MIPEP: variants seen among roughly 807,000 people sequenced by gnomAD.
MIPEP encodes the protein mitochondrial intermediate peptidase.
Under a neutral mutation model 90.3 loss-of-function variants are expected in MIPEP, and 79 were observed. That is an observed-to-expected ratio of 0.87 (90% CI 0.73 to 1.05). The LOEUF is 1.05. MIPEP is among the 50% of genes least tolerant of loss of function. The pLI, the probability that MIPEP is intolerant of heterozygous loss-of-function variation, is 0.00. For synonymous variants in MIPEP, 334 were observed against 315.8 expected, an observed-to-expected ratio of 1.06 and a Z score of -0.61; for missense variants, 940 against 905.6, an observed-to-expected ratio of 1.04 and a Z score of -0.49.
intron 1 of MIPEP, among the ~76,000 whole-genome samples, chr13:23,886,982 A>C (rs1273113887): frequency 1.3e-5 from 2 of 152,162 alleles, no homozygotes; most frequent in African/African-American, 4.8e-5. Flanking sequence ...ATGACGATAC[A>C]TACCTTACAG....
At chr13:23,765,281 C>T (rs955908455) in intron 16 of MIPEP, among the ~76,000 whole-genome samples, 3 of 152,192 alleles carry the variant, frequency 2.0e-5, no homozygotes, top group African/African-American at 7.2e-5. Flanking sequence ...GTAACAGCAG[C>T]TTTCCTATCC....
chr13:23,865,702 C>A (rs1225702149), intron 7 of MIPEP, among the ~76,000 whole-genome samples: 1 of 145,162 alleles, frequency 6.9e-6, no homozygotes, highest in Admixed American at 7.0e-5. Flanking sequence ...TGGAGTCTTG[C>A]TCTGTTGCCC....
intron 16 of MIPEP, among the ~76,000 whole-genome samples, chr13:23,773,870 G>C (rs1160743567): frequency 6.6e-6 from 1 of 151,996 alleles, no homozygotes; most frequent in African/African-American, 2.4e-5. Flanking sequence ...TCACTTTCAT[G>C]GTAGTGTTCT....
At chr13:23,879,707 A>G (rs1593208120) in intron 3 of MIPEP, among the ~76,000 whole-genome samples, 1 of 152,172 alleles carries the variant, frequency 6.6e-6, no homozygotes, top group East Asian at 1.9e-4. Flanking sequence ...TAATTTTTAA[A>G]TTTAAAAACA....
At chr13:23,862,817 T>A (rs889543927) in intron 8 of MIPEP, among the ~76,000 whole-genome samples, 2 of 152,210 alleles carry the variant, frequency 1.3e-5, no homozygotes, top group African/African-American at 4.8e-5. Flanking sequence ...ATTTAATATT[T>A]GTAGAATATG....
At chr13:23,843,951 G>A (rs934643713) in intron 10 of MIPEP, among the ~76,000 whole-genome samples, 1 of 152,196 alleles carries the variant, frequency 6.6e-6, no homozygotes, top group Non-Finnish European at 1.5e-5. Flanking sequence ...AAAAGGAAGA[G>A]GGGAATCTGG....
rs144683266 is a variant in MIPEP, at chr13:23,735,627, A to C, written c.2045-5182T>G. On this transcript the variant is annotated intron_variant, in intron 18 of 18. Transcript: ENST00000382172. ...CCACCTTAAACAATTCCTGTATCTC[A>C]CAGAATGGCAACTGTGGCCACAAGA... is the stretch of plus-strand genomic sequence containing the variant. 6.5e-3 allele frequency among the ~76,000 whole-genome samples: 992 copies of C among 152,154 alleles called. 9 individuals carry two copies. The highest frequency in any genetic ancestry group is 0.023 in the African/African-American group (943 of 41,518).
intron 7 of MIPEP, among the ~76,000 whole-genome samples, chr13:23,864,840 T>C (rs1870464639): frequency 6.6e-6 from 1 of 151,990 alleles, no homozygotes; most frequent in Non-Finnish European, 1.5e-5. Flanking sequence ...TTCTGAGACA[T>C]GTCTGACGTT....
intron 5 of MIPEP, among the ~76,000 whole-genome samples, chr13:23,871,022 C>A (rs1870779018): frequency 6.6e-6 from 1 of 152,110 alleles, no homozygotes. Flanking sequence ...CAAAGCGAGA[C>A]CCTGTCTCAG....
At chr13:23,785,202 C>T (rs150888987) in intron 16 of MIPEP, among the ~76,000 whole-genome samples, 7,296 of 152,062 alleles carry the variant, frequency 0.048, 234 homozygotes, top group Middle Eastern at 0.068. Context: ...ATGTTTATTG[C>T]GGCACTATTC....
chr13:23,757,143 A>G (rs1952497610), intron 17 of MIPEP, among the ~76,000 whole-genome samples: 1 of 152,174 alleles, frequency 6.6e-6, no homozygotes, highest in African/African-American at 2.4e-5. Context: ...ACTAGATGGT[A>G]CCATCCAGGG....
chr13:23,842,928 T>A (rs1869364214), intron 10 of MIPEP, among the ~76,000 whole-genome samples: 1 of 151,790 alleles, frequency 6.6e-6, no homozygotes, highest in Non-Finnish European at 1.5e-5. Flanking sequence ...TGAAACCCCG[T>A]CTCTACTAAA....
At chr13:23,740,398 C>T (rs1375134310) in intron 18 of MIPEP, among the ~76,000 whole-genome samples, 1 of 150,562 alleles carries the variant, frequency 6.6e-6, no homozygotes, top group Admixed American at 6.6e-5. Context: ...TTCTGGAGCC[C>T]TGTTGTAACT....
chr13:23,774,164 C>A (rs973847942), intron 16 of MIPEP, among the ~76,000 whole-genome samples: 6 of 152,098 alleles, frequency 3.9e-5, no homozygotes, highest in African/African-American at 1.4e-4. Flanking sequence ...GTTTTCCCAG[C>A]ACCATTCTTC....
chr13:23,757,704 C>T (rs758751218), intron 17 of MIPEP, among the ~76,000 whole-genome samples: 6 of 152,138 alleles, frequency 3.9e-5, no homozygotes, highest in Non-Finnish European at 7.4e-5. Context: ...TGCCTTGTTC[C>T]CGTCTTCTGG....
intron 16 of MIPEP, among the ~76,000 whole-genome samples, chr13:23,802,716 A>G (rs914523744): frequency 6.7e-6 from 1 of 149,518 alleles, no homozygotes; most frequent in Non-Finnish European, 1.5e-5. Context: ...AGATTTTTCA[A>G]CTCCACAGTG....
chr13:23,767,742 A>T (rs1033428849), intron 16 of MIPEP, among the ~76,000 whole-genome samples: 1 of 152,088 alleles, frequency 6.6e-6, no homozygotes, highest in Non-Finnish European at 1.5e-5. Flanking sequence ...GTGAGCCACC[A>T]CGCCTGGCCC....
At chr13:23,842,239 T>C (rs924288471) in intron 10 of MIPEP, 1 of 152,164 alleles carries the variant, frequency 6.6e-6, no homozygotes, top group Non-Finnish European at 1.5e-5. Flanking sequence ...GTCTACTTTT[T>C]AGGATTACCA....
chr13:23,862,528 A>G lies in MIPEP; in HGVS notation c.993-166T>C, dbSNP rs201658765. 3.3e-5 allele frequency among the ~76,000 whole-genome samples: 5 copies of G among 152,354 alleles called. No homozygotes were observed. The East Asian group carries it at 9.6e-4, about 29-fold the overall frequency. The stretch of plus-strand genomic sequence containing the variant: ...AAATTTTACCTAAGTGTCATGAGAA[A>G]TAACAATATATAAAGCAGCATATTA... On this transcript the variant is annotated intron_variant, in intron 8 of 18. Transcript: ENST00000382172.
Sources: gnomAD v4.1 joint callset for allele counts (sites outside exome capture counted in the v4.1 genomes callset) on GRCh38, gnomAD v4.1.1 for gene constraint, MANE v1.5 for transcripts, NCBI Gene and HGNC (gene_info 2026-07-23, HGNC 2026-07-21) for gene names.